The following ZNF540 variants were observed in gnomAD, a reference collection of about 807,000 sequenced individuals.
ZNF540 encodes zinc finger protein 540.
In ZNF540, 3 loss-of-function variants were observed where a neutral mutation model predicts 11.8. The ratio of observed to expected loss-of-function variants is 0.25; its 90% CI spans 0.12 to 0.65. The LOEUF is 0.65. Among genes scored for constraint, ZNF540 ranks in the 30% least tolerant of loss-of-function variants. ZNF540 has a pLI of 0.83. For missense variants in ZNF540, 709 were observed against 793.1 expected (o/e 0.89, Z 1.27); for synonymous variants, 247 against 259.0 (o/e 0.95, Z 0.45).
At chr19:37,606,514 T>C (rs941331920) in intron 4 of ZNF540, among the ~76,000 whole-genome samples, 1 of 152,230 alleles carries the variant, frequency 6.6e-6, no homozygotes, top group Non-Finnish European at 1.5e-5. Context: ...TGTTCCAAAC[T>C]ACCTATATCG....
In ZNF540 at chr19:37,612,705, C is replaced by T. The variant is rs2044141921; in HGVS notation, c.1425C>T (p.Thr475=). ...ACGAATGTAAGGAATGTGGGAAGAC[C>T]TTTCGAGTTCGTTCTCAAATTAGTC... ...KPYECKECGK[T]FRVRSQISLH... Residue 475 remains threonine (T), a synonymous_variant, in exon 5 of 5, where the codon ACC becomes ACT. Transcript: ENST00000316433. 1.9e-6 allele frequency: 3 copies of T among 1,614,048 alleles called. No homozygotes were observed. The highest frequency in any genetic ancestry group is 3.3e-5 in the Admixed American group (2 of 60,016).
At chr19:37,563,753 TATATTCC>T (rs2147145307) in intron 1 of ZNF540, 1 of 45,610 alleles carries the variant, frequency 2.2e-5, no homozygotes, top group African/African-American at 1.7e-4. Flanking sequence ...ACATGTGGAA[TATATTCC>T]ACATACACAC....
chr19:37,608,763 G>C (rs750783395), intron 4 of ZNF540, among the ~76,000 whole-genome samples: 1 of 152,128 alleles, frequency 6.6e-6, no homozygotes, highest in Non-Finnish European at 1.5e-5. Context: ...CGCTAGGTGT[G>C]ACAGGATAGC....
At chr19:37,589,886 A>AAAAAAC, upstream of ZNF540, among the ~76,000 whole-genome samples, 2 of 149,934 alleles carry the variant, frequency 1.3e-5, no homozygotes, top group African/African-American at 2.4e-5. Flanking sequence ...AAAAAAAAAA[A>AAAAAAC]AGCACACTTG....
At position 37,552,949 on chromosome 19, in the gene ZNF540, A is replaced by G. The variant is rs577857590; in HGVS notation, c.-73+1284A>G. On this transcript the variant is annotated intron_variant, in intron 1 of 4. Coordinates refer to the ZNF540 transcript ENST00000592533. ...GTGACGGGGTGAGACTCTGTCTCGA[A>G]CAAAAAAAGACAATTTGTTTTATGT... is the stretch of plus-strand genomic sequence containing the variant. Among the ~76,000 whole-genome samples, 15 of 151,750 alleles carry G rather than the reference A, an allele frequency of 9.9e-5. No homozygotes were observed. In the East Asian group the frequency reaches 2.5e-3, roughly 25 times the overall value.
At chr19:37,606,035 T>C (rs942862307) in intron 4 of ZNF540, among the ~76,000 whole-genome samples, 1 of 152,230 alleles carries the variant, frequency 6.6e-6, no homozygotes, top group African/African-American at 2.4e-5. Context: ...TTAGAATACT[T>C]CCATCACCCC....
In ZNF540 at chr19:37,601,076, C is replaced by T. The variant is rs1026985784; in HGVS notation, c.203C>T (p.Ala68Val). ...CAAGGGAAAGAGCCCTGCGTGGTGGCGAGGGATGTGACAGGAAGACAGTGC... is the reference window on the plus strand; with the variant it reads ...CAAGGGAAAGAGCCCTGCGTGGTGGTGAGGGATGTGACAGGAAGACAGTGC... ...LEQGKEPCVV[A>V]RDVTGRQCPG... Residue 68 changes from alanine to valine, a missense_variant, in exon 4 of 5, where the codon GCG becomes GTG. Ala to Val is a moderately conservative substitution (Grantham distance 64, BLOSUM62 0). Coordinates refer to ENST00000316433, the MANE Select transcript of ZNF540 (RefSeq NM_001172225.3). 2.5e-6 allele frequency: 4 copies of T among 1,586,286 alleles called. No homozygotes were observed. Among genetic ancestry groups the T allele is most frequent in the East Asian group, 2.3e-5 (1 of 43,252 alleles).
At chr19:37,587,983 C>T (rs2043735006) in intron 1 of ZNF540, among the ~76,000 whole-genome samples, 1 of 151,440 alleles carries the variant, frequency 6.6e-6, no homozygotes, top group Non-Finnish European at 1.5e-5. Flanking sequence ...GCCTGTAGTC[C>T]CAGCTACTTG....
In ZNF540 at chr19:37,613,350, T is replaced by C. The variant is rs1377677846; in HGVS notation, c.*87T>C. 2.1e-6 allele frequency: 2 copies of C among 971,004 alleles called. No homozygotes were observed. The highest frequency in any genetic ancestry group is 1.6e-5 in the African/African-American group (1 of 60,950). 60.1% of individuals were successfully genotyped at this position (971,004 alleles called of 1,614,324 possible). A position where few individuals can be genotyped will look rare whatever the true frequency, so the allele number is the denominator to read the frequency against. ...AGTTCTGTCAATGTGTTGATGTTTT[T>C]TTACACATATTAACTTAATAAATGT... On this transcript the variant is annotated 3_prime_UTR_variant, in exon 5 of 5. Coordinates refer to ENST00000316433, the MANE Select transcript of ZNF540 (RefSeq NM_001172225.3).
intron 1 of ZNF540, among the ~76,000 whole-genome samples, chr19:37,566,714 C>T (rs2042873595): frequency 6.6e-6 from 1 of 152,138 alleles, no homozygotes; most frequent in Admixed American, 6.6e-5. Flanking sequence ...ATTGTCATAA[C>T]CTCTTAGCTG....
At chr19:37,559,762 A>C (rs1002964821) in intron 1 of ZNF540, among the ~76,000 whole-genome samples, 3 of 152,246 alleles carry the variant, frequency 2.0e-5, no homozygotes, top group Non-Finnish European at 4.4e-5. Context: ...GGTGATTATT[A>C]AAGAGGTTAT....
chr19:37,601,148 A>C (rs1270616708), intron 4 of ZNF540, 43 bp downstream of exon 4: 68 of 1,500,966 alleles, frequency 4.5e-5, no homozygotes, highest in Non-Finnish European at 5.8e-5. Context: ...CCTCATTGCC[A>C]GTCACGGCCA....
At chr19:37,553,634 CTT>C (rs2042631286) in intron 1 of ZNF540, among the ~76,000 whole-genome samples, 1 of 152,058 alleles carries the variant, frequency 6.6e-6, no homozygotes, top group Non-Finnish European at 1.5e-5. Flanking sequence ...TATTACGGCA[CTT>C]TTTAGAATTT....
intron 1 of ZNF540, chr19:37,566,454 TAAAG>T (rs1294239432): frequency 1.3e-6 from 1 of 766,780 alleles, no homozygotes; most frequent in Non-Finnish European, 2.0e-6. Flanking sequence ...AAGGAGAGAA[TAAAG>T]AAAAAGGAGA....
intron 1 of ZNF540, chr19:37,585,792 G>A (rs913856117): frequency 6.6e-6 from 1 of 152,190 alleles, no homozygotes; most frequent in African/African-American, 2.4e-5. Flanking sequence ...ATTAAATTAA[G>A]GATCTTGAGA....
chr19:37,586,562 G>T, intron 1 of ZNF540: 1 of 1,325,152 alleles, frequency 7.5e-7, no homozygotes, highest in Non-Finnish European at 1.1e-6. Flanking sequence ...TTTGGAAGCA[G>T]TTCCCTTAAG....
chr19:37,582,717 T>C (rs2043515604), intron 1 of ZNF540, among the ~76,000 whole-genome samples: 1 of 152,182 alleles, frequency 6.6e-6, no homozygotes, highest in South Asian at 2.1e-4. Flanking sequence ...ATTGCCAATC[T>C]TCAAAATAAC....
At chr19:37,572,344 A>G (rs909284027) in intron 1 of ZNF540, among the ~76,000 whole-genome samples, 3 of 152,212 alleles carry the variant, frequency 2.0e-5, no homozygotes, top group Non-Finnish European at 4.4e-5. Context: ...CCAGAAATAA[A>G]CAATTCATAA....
intron 4 of ZNF540, among the ~76,000 whole-genome samples, chr19:37,603,649 T>C (rs1030790589): frequency 6.8e-6 from 1 of 148,020 alleles, no homozygotes; most frequent in Non-Finnish European, 1.5e-5. Context: ...TCACTTTTTA[T>C]TTTCTGTTAA....
Sources: gnomAD v4.1 joint callset for allele counts (sites outside exome capture counted in the v4.1 genomes callset) on GRCh38, gnomAD v4.1.1 for gene constraint, MANE v1.5 for transcripts, NCBI Gene and HGNC (gene_info 2026-07-23, HGNC 2026-07-21) for gene names.